Variants in IFIH1 observed in about 807,000 individuals in gnomAD.
IFIH1 encodes the protein interferon induced with helicase C domain 1.
In IFIH1, 125 loss-of-function variants were observed where a neutral mutation model predicts 107.4. The ratio of observed to expected loss-of-function variants is 1.16; its 90% confidence interval spans 1.01 to 1.35. IFIH1 has a LOEUF of 1.35. IFIH1 is among the 40% of genes most tolerant of loss of function. The probability of loss-of-function intolerance (pLI) is 0.00; values close to 1 mark genes in which losing one functional copy is unlikely to be tolerated. For synonymous variants in IFIH1, 458 were observed against 413.2 expected (o/e 1.11, Z -1.31); for missense variants, 1,333 against 1,213.7 (o/e 1.10, Z -1.46).
chr2:162,296,667 T>C (rs1683089121), intron 3 of IFIH1, among the ~76,000 whole-genome samples: 1 of 152,182 alleles, frequency 6.6e-6, no homozygotes, highest in African/African-American at 2.4e-5. Flanking sequence ...ATTTTCATTG[T>C]ATTGTCACAT....
rs74162079 is a variant in IFIH1 at position 162,288,281 on chromosome 2, G to C, written c.949C>G (p.Gln317Glu). Residue 317 changes from glutamine (Q) to glutamate (E), a missense_variant, in exon 5 of 16, where the codon CAG becomes GAG. Coordinates refer to ENST00000649979, the MANE Select transcript of IFIH1 (RefSeq NM_022168.4). ...ATATTCTTCCCTTCCAAGGCTGGCT[G>C]GGCAACTTCCATTTGGTAAGGCCTG... ...QLRPYQMEVA[Q>E]PALEGKNIII... 6.2e-7 allele frequency: 1 copy of C among 1,612,664 alleles called. No individual in the cohort carries two copies. The highest frequency in any genetic ancestry group is 8.5e-7 in the Non-Finnish European group (1 of 1,179,262).
rs566753712 is a variant in IFIH1, at chr2:162,308,575, G to A, written c.623-1720C>T. 8.6e-5 allele frequency among the ~76,000 whole-genome samples: 13 copies of A among 151,894 alleles called. No individual in the cohort carries two copies. The South Asian group carries it at 1.7e-3, about 19-fold the overall frequency. ...GTATTCTTAGTAGAGATGCGGTTTC[G>A]CCATGTTGGCCAGGCTGGTCTCAAA... On this transcript the variant is annotated intron_variant, in intron 2 of 15. Coordinates refer to ENST00000649979, the MANE Select transcript of IFIH1 (RefSeq NM_022168.4).
intron 3 of IFIH1, among the ~76,000 whole-genome samples, chr2:162,303,363 G>T (rs112345957): frequency 5.3e-5 from 8 of 152,132 alleles, no homozygotes; most frequent in Admixed American, 5.2e-4. Flanking sequence ...TGATCCACCC[G>T]CCTCGTCCTC....
intron 5 of IFIH1, among the ~76,000 whole-genome samples, chr2:162,283,903 A>G (rs1005275976): frequency 7.9e-5 from 12 of 151,918 alleles, no homozygotes; most frequent in African/African-American, 2.9e-4. Context: ...TCAGTAATCA[A>G]GTTGGTGAGT....
At chr2:162,276,595 G>C (rs900405804) in intron 11 of IFIH1, 92 bp downstream of exon 11, 2 of 1,375,276 alleles carry the variant, frequency 1.5e-6, no homozygotes, top group Admixed American at 2.2e-5. Context: ...ACAGAGCGAG[G>C]CCTCGTCTGA....
chr2:162,307,000 A>T (rs544310458), intron 2 of IFIH1, 145 bp from the exon 3 acceptor site: 227 of 624,468 alleles, frequency 3.6e-4, no homozygotes, highest in Non-Finnish European at 4.7e-4. Context: ...GAAGTTCTGA[A>T]TAGAATGTAA....
intron 5 of IFIH1, among the ~76,000 whole-genome samples, chr2:162,285,271 C>T (rs1300570740): frequency 6.6e-6 from 1 of 151,948 alleles, no homozygotes; most frequent in East Asian, 1.9e-4. Context: ...TCTGGGAACA[C>T]AGGTGGTGTT....
At chr2:162,290,957 G>A (rs1224641681) in intron 4 of IFIH1, among the ~76,000 whole-genome samples, 1 of 151,736 alleles carries the variant, frequency 6.6e-6, no homozygotes, top group Non-Finnish European at 1.5e-5. Flanking sequence ...GAACTGGGCT[G>A]GTATCAATGA....
intron 14 of IFIH1, 152 bp downstream of exon 14, chr2:162,267,935 A>C: frequency 1.7e-6 from 1 of 574,520 alleles, no homozygotes; most frequent in Non-Finnish European, 2.9e-6. Context: ...TTTAAAACAT[A>C]GACATTTAAA....
At chr2:162,304,272 A>G (rs911880513) in intron 3 of IFIH1, among the ~76,000 whole-genome samples, 5 of 152,116 alleles carry the variant, frequency 3.3e-5, no homozygotes, top group Non-Finnish European at 7.4e-5. Flanking sequence ...ACAAGTCTTG[A>G]CAACATGGTG....
chr2:162,288,394 C>CA, intron 4 of IFIH1, 39 bp from the exon 5 acceptor site: 3 of 1,489,808 alleles, frequency 2.0e-6, no homozygotes, highest in Non-Finnish European at 2.8e-6. Context: ...GAAGGGACAA[C>CA]AAAATAACAG....
intron 6 of IFIH1, 59 bp downstream of exon 6, chr2:162,282,307 C>G: frequency 1.9e-6 from 2 of 1,061,980 alleles, no homozygotes; most frequent in Non-Finnish European, 2.7e-6. Flanking sequence ...ACAAATACAG[C>G]CTTTGTTATC....
chr2:162,307,086 C>T (rs1034923611), intron 2 of IFIH1: 4 of 406,246 alleles, frequency 9.8e-6, no homozygotes, highest in Non-Finnish European at 1.8e-5. Flanking sequence ...GGAGAGCCCG[C>T]AATAGAGATT....
intron 3 of IFIH1, among the ~76,000 whole-genome samples, chr2:162,296,018 C>G (rs1484025639): frequency 6.6e-6 from 1 of 151,896 alleles, no homozygotes; most frequent in Admixed American, 6.6e-5. Flanking sequence ...ACCAAAATTA[C>G]TGAAAAAATA....
chr2:162,314,484 C>CTTTCTTTCTTTCTTTCTT, intron 1 of IFIH1, among the ~76,000 whole-genome samples: 1 of 96,962 alleles, frequency 1.0e-5, no homozygotes, highest in Admixed American at 1.1e-4. Context: ...TTCTTTCTTT[C>CTTTCTTTCTTTCTTTCTT]TTTTTCTTTC....
chr2:162,311,071 G>T, intron 1 of IFIH1, 138 bp from the exon 2 acceptor site: 1 of 598,612 alleles, frequency 1.7e-6, no homozygotes. Context: ...GAAGAAAATA[G>T]CAATGTTACC....
chr2:162,279,817 T>TA (rs1363662570), intron 8 of IFIH1, among the ~76,000 whole-genome samples, 179 bp downstream of exon 8: 1 of 152,026 alleles, frequency 6.6e-6, no homozygotes, highest in Non-Finnish European at 1.5e-5. Context: ...AAAAGAGGTC[T>TA]AGAGGCGAGA....
At chr2:162,271,587 G>T (rs749430693) in intron 13 of IFIH1, among the ~76,000 whole-genome samples, 2 of 151,978 alleles carry the variant, frequency 1.3e-5, no homozygotes, top group Non-Finnish European at 2.9e-5. Context: ...GCACATGTAC[G>T]CTAGAACTTA....
At chr2:162,285,565 T>C (rs993504544) in intron 5 of IFIH1, among the ~76,000 whole-genome samples, 2 of 151,986 alleles carry the variant, frequency 1.3e-5, no homozygotes, top group African/African-American at 4.8e-5. Flanking sequence ...TTTCTAGTAA[T>C]TCTAAGGAGA....
Sources: gnomAD v4.1 joint callset for allele counts (sites outside exome capture counted in the v4.1 genomes callset) on GRCh38, gnomAD v4.1.1 for gene constraint, MANE v1.5 for transcripts, NCBI Gene and HGNC (gene_info 2026-07-23, HGNC 2026-07-21) for gene names.